The following PDZD2 variants were observed in gnomAD, a reference collection of about 807,000 sequenced individuals.
The protein encoded by PDZD2 is PDZ domain containing 2.
Under a neutral mutation model 220.7 loss-of-function variants are expected in PDZD2, and 90 were observed. The ratio of observed to expected loss-of-function variants is 0.41; its 90% confidence interval spans 0.34 to 0.49. The LOEUF (loss-of-function observed/expected upper bound fraction) is 0.49. PDZD2 is among the 20% of genes least tolerant of loss of function. The probability of loss-of-function intolerance (pLI) is 0.28; values close to 1 mark genes in which losing one functional copy is unlikely to be tolerated. For missense variants in PDZD2, 3,174 were observed against 3,608.5 expected (o/e 0.88, Z 3.08); for synonymous variants, 1,375 against 1,450.5 (o/e 0.95, Z 1.18).
intron 2 of PDZD2, among the ~76,000 whole-genome samples, chr5:31,800,390 C>G (rs559503354): frequency 1.1e-3 from 164 of 152,296 alleles, no homozygotes; most frequent in African/African-American, 3.4e-3. Flanking sequence ...GGGACACTCA[C>G]TCAAATCTTG....
intron 1 of PDZD2, among the ~76,000 whole-genome samples, chr5:31,730,589 T>G (rs944490786): frequency 1.7e-5 from 2 of 118,266 alleles, no homozygotes; most frequent in South Asian, 2.7e-4. Flanking sequence ...TGTGTGTGTG[T>G]GTGGTGTGTG....
chr5:31,752,042 TTTTG>T (rs1259650169), intron 1 of PDZD2, among the ~76,000 whole-genome samples: 72 of 150,960 alleles, frequency 4.8e-4, no homozygotes, highest in Non-Finnish European at 8.7e-4. Context: ...TCTTTGTATT[TTTTG>T]TTTGTTTGTT....
chr5:31,656,720 G>T (rs1052258175), intron 1 of PDZD2, among the ~76,000 whole-genome samples: 3 of 152,182 alleles, frequency 2.0e-5, no homozygotes, highest in African/African-American at 7.2e-5. Context: ...GTTTGAAAAT[G>T]ATGTATTCAA....
At chr5:31,827,518 C>G (rs1212662536) in intron 2 of PDZD2, among the ~76,000 whole-genome samples, 1 of 151,866 alleles carries the variant, frequency 6.6e-6, no homozygotes, top group Non-Finnish European at 1.5e-5. Flanking sequence ...CATGGTAACA[C>G]CCCGTCTCTA....
At chr5:31,937,130 G>C (rs1745816397) in intron 2 of PDZD2, among the ~76,000 whole-genome samples, 1 of 152,152 alleles carries the variant, frequency 6.6e-6, no homozygotes, top group African/African-American at 2.4e-5. Flanking sequence ...CCGTTGTCAA[G>C]GTTTGGGGCT....
chr5:31,873,601 A>G (rs1009799411), intron 2 of PDZD2, among the ~76,000 whole-genome samples: 2 of 151,178 alleles, frequency 1.3e-5, no homozygotes, highest in Admixed American at 1.3e-4. Flanking sequence ...GGGTCTTGCT[A>G]TGTTGCCCAG....
chr5:31,681,379 T>C (rs1375994395), intron 1 of PDZD2, among the ~76,000 whole-genome samples: 1 of 152,130 alleles, frequency 6.6e-6, no homozygotes, highest in Admixed American at 6.6e-5. Context: ...CCCGAGCAGC[T>C]GGGATTACAG....
chr5:31,964,058 T>C (rs1353259869), intron 2 of PDZD2, among the ~76,000 whole-genome samples: 1 of 152,246 alleles, frequency 6.6e-6, no homozygotes, highest in Non-Finnish European at 1.5e-5. Context: ...TTTCCAGAGA[T>C]ACTTTTTTTC....
At chr5:32,070,200 A>G (rs755662900) in intron 15 of PDZD2, among the ~76,000 whole-genome samples, 12 of 152,200 alleles carry the variant, frequency 7.9e-5, no homozygotes, top group Non-Finnish European at 1.3e-4. Flanking sequence ...ATGGAAGCCT[A>G]AAGGGACTCT....
At chr5:31,786,262 A>G (rs2150214794) in intron 1 of PDZD2, among the ~76,000 whole-genome samples, 1 of 152,284 alleles carries the variant, frequency 6.6e-6, no homozygotes, top group Non-Finnish European at 1.5e-5. Flanking sequence ...CGAGCAGTCC[A>G]GGGAAGGGAG....
At chr5:31,677,817 C>T (rs145976484) in intron 1 of PDZD2, among the ~76,000 whole-genome samples, 29 of 151,872 alleles carry the variant, frequency 1.9e-4, no homozygotes, top group African/African-American at 5.8e-4. Flanking sequence ...AGAAAAGGCA[C>T]GCTGATCTTT....
intron 2 of PDZD2, among the ~76,000 whole-genome samples, chr5:31,969,509 CAAAAAAAAAA>C (rs56755290): frequency 0.029 from 1,503 of 51,458 alleles, 54 homozygotes; most frequent in Non-Finnish European, 0.036. Flanking sequence ...GCCCCCTCTC[CAAAAAAAAAA>C]AAAAAAAAAA....
intron 5 of PDZD2, among the ~76,000 whole-genome samples, chr5:32,003,517 T>TAC (rs1179159506): frequency 9.8e-6 from 1 of 102,496 alleles, no homozygotes; most frequent in Non-Finnish European, 1.8e-5. Flanking sequence ...ACACCACACA[T>TAC]ACACACACAC....
intron 1 of PDZD2, among the ~76,000 whole-genome samples, chr5:31,773,754 A>G (rs1752473625): frequency 6.6e-6 from 1 of 152,158 alleles, no homozygotes; most frequent in Non-Finnish European, 1.5e-5. Flanking sequence ...CAGTATTAAT[A>G]CCTGGATTAT....
intron 2 of PDZD2, among the ~76,000 whole-genome samples, chr5:31,886,048 C>T (rs1231854935): frequency 1.3e-5 from 2 of 151,928 alleles, no homozygotes; most frequent in East Asian, 3.9e-4. Flanking sequence ...TACAGGCACC[C>T]ACCACCACAC....
At chr5:31,869,461 G>C (rs965109021) in intron 2 of PDZD2, among the ~76,000 whole-genome samples, 5 of 152,060 alleles carry the variant, frequency 3.3e-5, no homozygotes, top group African/African-American at 1.2e-4. Flanking sequence ...TACTTGGGAG[G>C]CTGAGGCAGG....
chr5:32,001,008 A>C (rs1254476810), intron 5 of PDZD2, among the ~76,000 whole-genome samples: 1 of 152,144 alleles, frequency 6.6e-6, no homozygotes, highest in Non-Finnish European at 1.5e-5. Flanking sequence ...TGCGAGCCCT[A>C]TTGTGAACCG....
At position 32,077,459 on chromosome 5, in the gene PDZD2, C is replaced by T; in HGVS notation, c.3538-3C>T. 6.2e-7 allele frequency: 1 copy of T among 1,613,478 alleles called. No individual in the cohort carries two copies. Among genetic ancestry groups the T allele is most frequent in the Non-Finnish European group, 8.5e-7 (1 of 1,179,926 alleles). ...AAGTGGCTTGTGGTTGTCATTGTGC[C>T]AGGAATCTCTGGGAAAGCTGACCAC... On this transcript the variant is annotated splice_polypyrimidine_tract_variant and splice_region_variant and intron_variant, in intron 18 of 24. Transcript: ENST00000438447.
chr5:31,677,930 G>A (rs1746501774), intron 1 of PDZD2, among the ~76,000 whole-genome samples: 1 of 151,672 alleles, frequency 6.6e-6, no homozygotes, highest in South Asian at 2.1e-4. Flanking sequence ...GACTTTGGGG[G>A]CTAATGAGTA....
Sources: gnomAD v4.1 joint callset for allele counts (sites outside exome capture counted in the v4.1 genomes callset) on GRCh38, gnomAD v4.1.1 for gene constraint, MANE v1.5 for transcripts, NCBI Gene and HGNC (gene_info 2026-07-23, HGNC 2026-07-21) for gene names.